MLIP: variants seen among roughly 807,000 people sequenced by gnomAD.
The protein encoded by MLIP is muscular LMNA interacting protein.
In MLIP, 79 loss-of-function variants were observed where a neutral mutation model predicts 84.8. The ratio of observed to expected loss-of-function variants is 0.93; its 90% CI spans 0.78 to 1.12. The LOEUF (loss-of-function observed/expected upper bound fraction) is 1.12, where lower values mean the gene tolerates loss of function less well. Among genes scored for constraint, MLIP ranks in the 50% most tolerant of loss-of-function variants. The probability of loss-of-function intolerance (pLI) is 0.00; values close to 1 mark genes in which losing one functional copy is unlikely to be tolerated. For synonymous variants in MLIP, 504 were observed against 463.0 expected (o/e 1.09, Z -1.14); for missense variants, 1,257 against 1,160.6 (o/e 1.08, Z -1.21).
rs2150901960 is a variant in MLIP, at chr6:54,259,987, A to G, written c.2976+2626A>G. 1.3e-5 allele frequency among the ~76,000 whole-genome samples: 2 copies of G among 152,044 alleles called. 1 individual carries two copies. Among genetic ancestry groups the G allele is most frequent in the South Asian group, 4.1e-4 (2 of 4,834 alleles). On this transcript the variant is annotated intron_variant, in intron 13 of 13. Transcript: ENST00000502396. Reference sequence around the variant, plus strand: ...ATGACTATATGACCTAAAGGAATAAACCATTTCAGTTACAAACCCAGTGCA... The same window carrying G: ...ATGACTATATGACCTAAAGGAATAAGCCATTTCAGTTACAAACCCAGTGCA...
At chr6:54,104,876 A>G (rs982102240) in intron 1 of MLIP, among the ~76,000 whole-genome samples, 3 of 152,116 alleles carry the variant, frequency 2.0e-5, no homozygotes, top group Non-Finnish European at 4.4e-5. Context: ...TAAATACGGG[A>G]AACCACGGGC....
intron 3 of MLIP, among the ~76,000 whole-genome samples, chr6:54,132,532 G>A (rs1771468190): frequency 6.6e-6 from 1 of 152,140 alleles, no homozygotes; most frequent in Non-Finnish European, 1.5e-5. Flanking sequence ...TTTCCTTGGA[G>A]TAAAGAAATC....
chr6:54,035,795 TG>T (rs35909417), intron 1 of MLIP, among the ~76,000 whole-genome samples: 7,557 of 152,144 alleles, frequency 0.05, 190 homozygotes, highest in South Asian at 0.08. Flanking sequence ...ATCTTTTGCC[TG>T]GTTTTTAATT....
At chr6:54,162,581 A>G (rs1314098162) in intron 8 of MLIP, among the ~76,000 whole-genome samples, 1 of 151,966 alleles carries the variant, frequency 6.6e-6, no homozygotes, top group Non-Finnish European at 1.5e-5. Context: ...TGGTCTGGAT[A>G]GGGTGGGTTC....
At chr6:54,031,978 G>A (rs907619403) in intron 1 of MLIP, among the ~76,000 whole-genome samples, 3 of 152,180 alleles carry the variant, frequency 2.0e-5, no homozygotes, top group Non-Finnish European at 4.4e-5. Context: ...CATCACCAGA[G>A]TGTGACAGGA....
intron 12 of MLIP, among the ~76,000 whole-genome samples, chr6:54,252,377 T>G (rs1243886909): frequency 2.1e-5 from 2 of 94,966 alleles, no homozygotes; most frequent in Non-Finnish European, 3.4e-5. Flanking sequence ...TATATAACTA[T>G]AATATATTAT....
intron 1 of MLIP, among the ~76,000 whole-genome samples, chr6:54,025,913 G>A (rs1011923025): frequency 6.6e-6 from 1 of 152,018 alleles, no homozygotes; most frequent in Admixed American, 6.6e-5. Context: ...ATTCATCATT[G>A]GTATATTTTA....
At chr6:54,021,773 C>A (rs960143273) in intron 1 of MLIP, among the ~76,000 whole-genome samples, 2 of 152,184 alleles carry the variant, frequency 1.3e-5, no homozygotes, top group Non-Finnish European at 2.9e-5. Context: ...GGAATGATAT[C>A]AAATTCTTCA....
intron 12 of MLIP, among the ~76,000 whole-genome samples, chr6:54,254,022 G>A (rs1209809507): frequency 4.0e-5 from 6 of 150,140 alleles, no homozygotes; most frequent in Non-Finnish European, 3.0e-5. Flanking sequence ...GTTTTCCACA[G>A]TGTTTACCAT....
chr6:54,076,726 A>G (rs1350039925), intron 1 of MLIP, among the ~76,000 whole-genome samples: 1 of 152,288 alleles, frequency 6.6e-6, no homozygotes, highest in East Asian at 1.9e-4. Flanking sequence ...AATTTTATCC[A>G]AACAGCAAAA....
intron 3 of MLIP, among the ~76,000 whole-genome samples, chr6:54,131,104 A>T (rs695181): frequency 0.98 from 149,821 of 152,336 alleles, 73,727 homozygotes; most frequent in East Asian, 1. Flanking sequence ...GTGGGAAGTG[A>T]ATTAGTTTTC....
At chr6:54,250,818 C>G (rs1162894163) in intron 12 of MLIP, among the ~76,000 whole-genome samples, 2 of 152,024 alleles carry the variant, frequency 1.3e-5, no homozygotes, top group Non-Finnish European at 2.9e-5. Context: ...GGTAGCATCC[C>G]TGAAATTTCA....
chr6:54,263,032 A>C (rs1783484721), intron 13 of MLIP, among the ~76,000 whole-genome samples: 1 of 152,036 alleles, frequency 6.6e-6, no homozygotes, highest in Non-Finnish European at 1.5e-5. Context: ...TCTCTCCTTC[A>C]AAGTCATCTC....
In MLIP at chr6:54,254,849, A is replaced by G. The variant is rs148842172; in HGVS notation, c.2923-2459A>G. Among the ~76,000 whole-genome samples, 74 of 143,760 alleles carry G rather than the reference A, an allele frequency of 5.1e-4. 1 individual carries two copies. Among genetic ancestry groups the G allele is most frequent in the African/African-American group, 1.7e-3 (66 of 38,364 alleles). The allele number at this position is 143,760 out of a possible 152,430, so 94.3% of individuals were successfully genotyped here. A position where few individuals can be genotyped will look rare whatever the true frequency, so the allele number is the denominator to read the frequency against. On this transcript the variant is annotated intron_variant, in intron 12 of 13. Transcript: ENST00000502396. ...ATTATTTAAATATCTTCCAATCCAC[A>G]TATTTCGATATTTTGCACATCAGCC...
chr6:54,215,958 C>G (rs1313070630), intron 11 of MLIP: 8 of 175,528 alleles, frequency 4.6e-5, no homozygotes, highest in Admixed American at 3.3e-4. Context: ...TTTCACTTGG[C>G]ATAATATATT....
At chr6:54,208,802 G>A (rs1025937111) in intron 11 of MLIP, among the ~76,000 whole-genome samples, 5 of 152,084 alleles carry the variant, frequency 3.3e-5, no homozygotes, top group Admixed American at 2.0e-4. Context: ...CTTATAATAC[G>A]TAAGATATTT....
chr6:54,224,471 A>T (rs1222229245), intron 11 of MLIP, among the ~76,000 whole-genome samples: 7 of 152,226 alleles, frequency 4.6e-5, no homozygotes, highest in African/African-American at 1.2e-4. Flanking sequence ...TCACAAATAG[A>T]TTCCCAGGGA....
chr6:54,108,554 T>A (rs971208905), upstream of MLIP, among the ~76,000 whole-genome samples: 16 of 152,192 alleles, frequency 1.1e-4, no homozygotes, highest in African/African-American at 3.9e-4. Flanking sequence ...ACCATTTATG[T>A]GTTTTTAAGT....
chr6:54,086,760 G>A (rs1322886573), intron 1 of MLIP, among the ~76,000 whole-genome samples: 3 of 152,078 alleles, frequency 2.0e-5, no homozygotes, highest in Non-Finnish European at 4.4e-5. Context: ...TTTGGTTCTT[G>A]GCTTTTGCTG....
Sources: allele counts gnomAD v4.1 joint callset (sites outside exome capture counted in the v4.1 genomes callset), GRCh38; gene constraint gnomAD v4.1.1; transcripts MANE v1.5; gene names NCBI Gene and HGNC (gene_info 2026-07-23, HGNC 2026-07-21).